RPAP3: variants seen among roughly 807,000 people sequenced by gnomAD.
RPAP3 encodes the protein RNA polymerase II associated protein 3, also known as RNA polymerase II-associated protein 3.
In RPAP3, 58 loss-of-function variants were observed where a neutral mutation model predicts 88.8. The observed-to-expected ratio is 0.65, with a 90% confidence interval of 0.53 to 0.81. The LOEUF (loss-of-function observed/expected upper bound fraction) is 0.81, where lower values mean the gene tolerates loss of function less well. Ranked by LOEUF, RPAP3 falls within the 40% of genes least tolerant of loss-of-function variation. RPAP3 has a pLI of 0.00. For missense variants in RPAP3, 751 were observed against 764.3 expected (o/e 0.98, Z 0.20); for synonymous variants, 255 against 259.9 (o/e 0.98, Z 0.18).
intron 3 of RPAP3, chr12:47,699,973 T>C (rs976508524): frequency 5.9e-5 from 9 of 151,330 alleles, no homozygotes; most frequent in African/African-American, 2.2e-4. Context: ...GGAAGGCCTC[T>C]GCGAGGCTGG....
chr12:47,705,411 G>C (rs1173727506), intron 1 of RPAP3, among the ~76,000 whole-genome samples: 1 of 152,198 alleles, frequency 6.6e-6, no homozygotes, highest in Non-Finnish European at 1.5e-5. Flanking sequence ...GCTTTGTTGG[G>C]AACTCAAATA....
chr12:47,670,615 G>T (rs1287502890), intron 12 of RPAP3, among the ~76,000 whole-genome samples: 3 of 152,146 alleles, frequency 2.0e-5, no homozygotes, highest in African/African-American at 2.4e-5. Context: ...AGCACAAAAC[G>T]CTAAGAGAAC....
At chr12:47,681,840 T>C (rs750406868) in intron 9 of RPAP3, 23 bp from the exon 10 acceptor site, 2 of 1,538,874 alleles carry the variant, frequency 1.3e-6, no homozygotes, top group African/African-American at 2.8e-5. Flanking sequence ...ATAAAATTAC[T>C]GACTGGAAAA....
At chr12:47,696,863 G>C (rs1939538720) in intron 4 of RPAP3, among the ~76,000 whole-genome samples, 1 of 152,186 alleles carries the variant, frequency 6.6e-6, no homozygotes, top group Non-Finnish European at 1.5e-5. Context: ...GCTATTAGTA[G>C]TTAAGTTTTT....
chr12:47,690,557 C>T lies in RPAP3; in HGVS notation c.628G>A (p.Ala210Thr). 6.2e-7 allele frequency: 1 copy of T among 1,604,110 alleles called. No homozygotes were observed. Among genetic ancestry groups the T allele is most frequent in the South Asian group, 1.1e-5 (1 of 88,520 alleles). The change falls in exon 6 of 17, where the codon GCT (alanine) becomes ACT (threonine). Residue 210 changes from alanine to threonine, a missense_variant. By Grantham distance (58) the Ala-to-Thr change is moderately conservative. Transcript: ENST00000005386. Reference sequence around the variant, plus strand: ...TCTAATTTTTGCAAAGCAAATCGAGCAGCACCTCGTCTGGAATAAGCCTTT... The same window carrying T: ...TCTAATTTTTGCAAAGCAAATCGAGTAGCACCTCGTCTGGAATAAGCCTTT... ...YTKAYSRRGAARFALQKLEEA... is the reference protein window; with the variant it reads ...YTKAYSRRGATRFALQKLEEA...
At position 47,697,737 on chromosome 12, in the gene RPAP3, A is replaced by G; in HGVS notation, c.295-18T>C. The G allele has an allele frequency of 6.3e-7, 1 of 1,579,270 alleles. No individual in the cohort carries two copies. The highest frequency in any genetic ancestry group is 8.6e-7 in the Non-Finnish European group (1 of 1,168,702). On this transcript the variant is annotated intron_variant, in intron 3 of 16. Transcript: ENST00000005386. ...ATACGGTCCTAAAATCAAAAGACGG[A>G]AAACAGGGGTCATAATTATATGATT... is the stretch of plus-strand genomic sequence containing the variant.
At chr12:47,694,984 T>C (rs977662905) in intron 5 of RPAP3, among the ~76,000 whole-genome samples, 12 of 152,184 alleles carry the variant, frequency 7.9e-5, no homozygotes, top group Admixed American at 3.3e-4. Flanking sequence ...TTTGCCATCA[T>C]CCTGTGAAGC....
chr12:47,681,518 A>C (rs1409441048), intron 10 of RPAP3, among the ~76,000 whole-genome samples, 178 bp downstream of exon 10: 1 of 152,212 alleles, frequency 6.6e-6, no homozygotes, highest in African/African-American at 2.4e-5. Flanking sequence ...CAAAAAGATA[A>C]TCTGGTACAT....
chr12:47,668,363 A>G (rs1938927309), intron 14 of RPAP3, among the ~76,000 whole-genome samples: 1 of 152,230 alleles, frequency 6.6e-6, no homozygotes, highest in African/African-American at 2.4e-5. Flanking sequence ...ACACCATCCT[A>G]AGAGAGACAG....
intron 1 of RPAP3, 76 bp from the exon 2 acceptor site, chr12:47,702,922 T>C (rs1303361573): frequency 5.7e-6 from 7 of 1,238,194 alleles, no homozygotes; most frequent in African/African-American, 1.5e-5. Context: ...TAGCTAATTA[T>C]CTTTTACCAC....
intron 10 of RPAP3, among the ~76,000 whole-genome samples, chr12:47,680,973 C>CA (rs527467458): frequency 0.031 from 3,910 of 125,942 alleles, 120 homozygotes; most frequent in African/African-American, 0.09. Flanking sequence ...AAAAACGAAA[C>CA]AAAAAAAAAA....
At chr12:47,666,395 C>A (rs150983531) in intron 16 of RPAP3, among the ~76,000 whole-genome samples, 89 of 152,290 alleles carry the variant, frequency 5.8e-4, no homozygotes, top group African/African-American at 2.0e-3. Context: ...GCCTCAGAAC[C>A]ACTACATGTA....
chr12:47,673,894 T>C (rs1939053193), intron 12 of RPAP3, among the ~76,000 whole-genome samples: 1 of 152,074 alleles, frequency 6.6e-6, no homozygotes, highest in Admixed American at 6.6e-5. Context: ...GTAATAAAAA[T>C]ACAAAGACAT....
intron 10 of RPAP3, among the ~76,000 whole-genome samples, chr12:47,681,379 C>T (rs115200269): frequency 7.0e-4 from 106 of 152,282 alleles, no homozygotes; most frequent in African/African-American, 2.3e-3. Flanking sequence ...TCAACAACAC[C>T]GATTCCCTTC....
intron 7 of RPAP3, among the ~76,000 whole-genome samples, chr12:47,688,275 T>C (rs569118678): frequency 5.5e-4 from 84 of 152,092 alleles, no homozygotes; most frequent in African/African-American, 1.9e-3. Context: ...GAGGTAAACA[T>C]TGGGTACACA....
rs147776728 is a variant in RPAP3, at chr12:47,688,314, T to C, written c.739-313A>G. Among the ~76,000 whole-genome samples the C allele has an allele frequency of 2.7e-4, 41 of 150,970 alleles. No individual in the cohort carries two copies. The East Asian group carries it at 5.6e-3, about 21-fold the overall frequency. Reference sequence around the variant, plus strand: ...ACATAAACAGAAACAACAGACACTATAGACTACCTGTTGGGGAGAGAAACA... The same window carrying C: ...ACATAAACAGAAACAACAGACACTACAGACTACCTGTTGGGGAGAGAAACA... On this transcript the variant is annotated intron_variant, in intron 7 of 16. Transcript: ENST00000005386.
intron 16 of RPAP3, chr12:47,664,792 G>A (rs1239835368): frequency 6.6e-6 from 1 of 152,214 alleles, no homozygotes; most frequent in Non-Finnish European, 1.5e-5. Context: ...CGCTAGCACT[G>A]AGGCCCAGTG....
intron 9 of RPAP3, 68 bp downstream of exon 9, chr12:47,686,712 T>C (rs1345283884): frequency 2.9e-5 from 36 of 1,239,422 alleles, no homozygotes; most frequent in Non-Finnish European, 3.4e-5. Context: ...AGGTAACTTA[T>C]GGTAAAAATT....
chr12:47,693,049 G>T (rs146074606), intron 5 of RPAP3, among the ~76,000 whole-genome samples: 9,205 of 151,992 alleles, frequency 0.061, 349 homozygotes, highest in Middle Eastern at 0.12. Flanking sequence ...CTGGCTAATT[G>T]TTTGTATTTT....
Sources: allele counts gnomAD v4.1 joint callset (sites outside exome capture counted in the v4.1 genomes callset), GRCh38; gene constraint gnomAD v4.1.1; transcripts MANE v1.5; gene names NCBI Gene and HGNC (gene_info 2026-07-23, HGNC 2026-07-21).